The following AGMO variants were observed in gnomAD, a reference collection of about 807,000 sequenced individuals.
AGMO encodes alkylglycerol monooxygenase, also known as glyceryl-ether monooxygenase.
AGMO carries 75 observed loss-of-function variants against 60.2 expected under a neutral mutation model. The ratio of observed to expected loss-of-function variants is 1.25; its 90% CI spans 1.03 to 1.51. The LOEUF (loss-of-function observed/expected upper bound fraction) is 1.51, where lower values mean the gene tolerates loss of function less well. AGMO is among the 40% of genes most tolerant of loss of function. The probability of loss-of-function intolerance (pLI) is 0.00; values close to 1 mark genes in which losing one functional copy is unlikely to be tolerated. For synonymous variants in AGMO, 261 were observed against 177.1 expected (o/e 1.47, Z -3.76); for missense variants, 763 against 525.5 (o/e 1.45, Z -4.42).
At chr7:15,163,001 T>C in the AGMO span, among the ~76,000 whole-genome samples, 1,235 of 152,278 alleles carry the variant, frequency 8.1e-3, 26 homozygotes, top group African/African-American at 0.029. Context: ...ATTTCTTTCA[T>C]CAGTGTTTTA....
In AGMO at chr7:15,550,415, G is replaced by A. The variant is rs1414232910; in HGVS notation, c.258-5492C>T. Reference sequence around the variant, plus strand: ...AAAGGATCAACAAAATTGATAGACCGCTAGCAAGACTAATAAAGAAGAAAA... The same window carrying A: ...AAAGGATCAACAAAATTGATAGACCACTAGCAAGACTAATAAAGAAGAAAA... On this transcript the variant is annotated intron_variant, in intron 2 of 12. Transcript: ENST00000342526. 9.2e-5 allele frequency among the ~76,000 whole-genome samples: 14 copies of A among 151,946 alleles called. No individual in the cohort carries two copies. In the East Asian group the frequency reaches 1.2e-3, roughly 13 times the overall value.
chr7:15,369,919 T>C (rs561307664), intron 10 of AGMO, among the ~76,000 whole-genome samples: 90 of 152,286 alleles, frequency 5.9e-4, no homozygotes, highest in Non-Finnish European at 1.1e-3. Flanking sequence ...AAATTCAAAT[T>C]TTATTTTAGG....
chr7:15,155,470 T>C, the AGMO span, among the ~76,000 whole-genome samples: 1 of 144,164 alleles, frequency 6.9e-6, no homozygotes. Flanking sequence ...ATTCCTGTTG[T>C]GAATTTTTCA....
At chr7:15,309,534 T>G (rs927357654) in intron 12 of AGMO, among the ~76,000 whole-genome samples, 1 of 152,162 alleles carries the variant, frequency 6.6e-6, no homozygotes, top group Non-Finnish European at 1.5e-5. Context: ...CTAGCCAATG[T>G]AAGTCAGGTG....
chr7:15,524,239 A>ACACATACATAT (rs1356860369), intron 3 of AGMO, among the ~76,000 whole-genome samples: 1 of 152,066 alleles, frequency 6.6e-6, no homozygotes, highest in East Asian at 1.9e-4. Flanking sequence ...ATATTCATAT[A>ACACATACATAT]CACATACATA....
At chr7:15,226,828 G>A (rs1782097060) in intron 12 of AGMO, among the ~76,000 whole-genome samples, 1 of 151,984 alleles carries the variant, frequency 6.6e-6, no homozygotes, top group Admixed American at 6.6e-5. Flanking sequence ...ACTGTCTGAA[G>A]AATTTTTATA....
intron 5 of AGMO, among the ~76,000 whole-genome samples, chr7:15,413,950 AACTG>A (rs1228063165): frequency 6.6e-6 from 1 of 152,192 alleles, no homozygotes; most frequent in Non-Finnish European, 1.5e-5. Flanking sequence ...CTTTAAATAT[AACTG>A]ACTAATTAAA....
intron 3 of AGMO, among the ~76,000 whole-genome samples, chr7:15,531,227 C>A (rs1375024899): frequency 1.0e-4 from 7 of 69,268 alleles, no homozygotes. Flanking sequence ...TATATATATT[C>A]TATATATATA....
chr7:15,388,923 G>C (rs1784030662), intron 8 of AGMO, among the ~76,000 whole-genome samples: 3 of 152,138 alleles, frequency 2.0e-5, no homozygotes, highest in South Asian at 4.1e-4. Context: ...AAATGTGAGG[G>C]GGAAAGACCT....
chr7:15,521,497 C>T (rs1171419001), intron 3 of AGMO, among the ~76,000 whole-genome samples: 1 of 152,146 alleles, frequency 6.6e-6, no homozygotes, highest in East Asian at 1.9e-4. Flanking sequence ...AGCTTATCCC[C>T]CATGATCAGG....
intron 12 of AGMO, among the ~76,000 whole-genome samples, chr7:15,259,829 G>T (rs559289798): frequency 8.1e-6 from 1 of 123,564 alleles, no homozygotes; most frequent in African/African-American, 3.1e-5. Flanking sequence ...ATGAAGCAAA[G>T]ATACAGTCTT....
chr7:15,547,748 C>A (rs569444010), intron 2 of AGMO, among the ~76,000 whole-genome samples: 7 of 151,870 alleles, frequency 4.6e-5, no homozygotes, highest in Non-Finnish European at 7.4e-5. Flanking sequence ...GAGGGGCGCC[C>A]GCCATTGCCC....
chr7:15,247,449 C>CAGAG (rs748208299), intron 12 of AGMO, among the ~76,000 whole-genome samples: 2,470 of 115,850 alleles, frequency 0.021, 23 homozygotes, highest in Non-Finnish European at 0.031. Context: ...CACACACACA[C>CAGAG]ACACACACAC....
rs773674228 is a variant in AGMO at position 15,390,869 on chromosome 7, C to G, written c.713G>C (p.Gly238Ala). The G allele has an allele frequency of 6.9e-6, 11 of 1,604,280 alleles. No homozygotes were observed. In the Admixed American group the frequency reaches 1.2e-4, roughly 17 times the overall value. Residue 238 changes from glycine to alanine, a missense_variant, in exon 7 of 13, where the codon GGT becomes GCT. Physicochemically the swap from Gly to Ala is moderately conservative, Grantham distance 60. Transcript: ENST00000342526. ...AATTTTATCCCAAATAATAAGAACA[C>G]CAGCATAATTTTTGTCTATGCAATA... ...NRYCIDKNYA[G>A]VLIIWDKIFG... is the part of the protein sequence containing the mutation.
chr7:15,472,227 C>T (rs17168780), intron 3 of AGMO, among the ~76,000 whole-genome samples: 15,592 of 151,510 alleles, frequency 0.1, 1,064 homozygotes, highest in East Asian at 0.28. Context: ...TCTGGCTCAG[C>T]GATAATAATC....
At chr7:15,526,757 A>T (rs1784139498) in intron 3 of AGMO, among the ~76,000 whole-genome samples, 1 of 152,170 alleles carries the variant, frequency 6.6e-6, no homozygotes, top group African/African-American at 2.4e-5. Context: ...TGCAAATTGA[A>T]GGTTTGTGGC....
chr7:15,560,378 C>T (rs1328425400), intron 1 of AGMO, 107 bp from the exon 2 acceptor site: 1 of 1,229,080 alleles, frequency 8.1e-7, no homozygotes, highest in South Asian at 1.5e-5. Context: ...TTGGGAAGCC[C>T]TGCAGGAGAT....
intron 3 of AGMO, among the ~76,000 whole-genome samples, chr7:15,462,646 C>A (rs780599257): frequency 3.3e-5 from 5 of 152,138 alleles, no homozygotes; most frequent in Non-Finnish European, 5.9e-5. Flanking sequence ...GGTTCACTCA[C>A]AACAAAAAGT....
At chr7:15,358,401 G>C in intron 12 of AGMO, 1 of 471,300 alleles carries the variant, frequency 2.1e-6, no homozygotes, top group Non-Finnish European at 4.4e-6. Flanking sequence ...TAATAAGAAG[G>C]CATAATAATT....
Sources: allele counts gnomAD v4.1 joint callset (sites outside exome capture counted in the v4.1 genomes callset), GRCh38; gene constraint gnomAD v4.1.1; transcripts MANE v1.5; gene names NCBI Gene and HGNC (gene_info 2026-07-23, HGNC 2026-07-21).